TRHDE: variants seen among roughly 807,000 people sequenced by gnomAD.
The protein encoded by TRHDE is thyrotropin-releasing hormone-degrading ectoenzyme.
Under a neutral mutation model 125.7 loss-of-function variants are expected in TRHDE, and 72 were observed. The ratio of observed to expected loss-of-function variants is 0.57; its 90% confidence interval spans 0.47 to 0.70. The LOEUF (loss-of-function observed/expected upper bound fraction) is 0.70, where lower values mean the gene tolerates loss of function less well. Among genes scored for constraint, TRHDE ranks in the 30% least tolerant of loss-of-function variants. The probability of loss-of-function intolerance (pLI) is 0.00; values close to 1 mark genes in which losing one functional copy is unlikely to be tolerated. For missense variants in TRHDE, 1,110 were observed against 1,327.1 expected (o/e 0.84, Z 2.54); for synonymous variants, 509 against 509.1 (o/e 1.00, Z 0.00).
chr12:72,295,259 C>T (rs912931254), intron 2 of TRHDE, among the ~76,000 whole-genome samples: 1 of 152,004 alleles, frequency 6.6e-6, no homozygotes, highest in African/African-American at 2.4e-5. Context: ...GGAGCCCCAC[C>T]CCAGCTCAGA....
chr12:72,237,272 G>T (rs1878353989), intron 2 of TRHDE, among the ~76,000 whole-genome samples: 1 of 152,114 alleles, frequency 6.6e-6, no homozygotes, highest in African/African-American at 2.4e-5. Context: ...AAAAGAGAGA[G>T]TTTCTATGAC....
chr12:72,099,015 A>C (rs1875004122), intron 1 of TRHDE, among the ~76,000 whole-genome samples: 1 of 151,942 alleles, frequency 6.6e-6, no homozygotes, highest in Admixed American at 6.6e-5. Context: ...AACTACAAAA[A>C]TTTGCCGGGC....
chr12:72,467,045 G>T (rs1876410800), intron 3 of TRHDE, among the ~76,000 whole-genome samples: 1 of 152,154 alleles, frequency 6.6e-6, no homozygotes, highest in Admixed American at 6.5e-5. Flanking sequence ...ATATATGAAT[G>T]CATAGATTAC....
chr12:72,476,991 T>C (rs954996014), intron 5 of TRHDE, among the ~76,000 whole-genome samples: 9 of 152,014 alleles, frequency 5.9e-5, no homozygotes, highest in African/African-American at 2.2e-4. Context: ...AGATATGGGG[T>C]TTTACAGGAA....
intron 3 of TRHDE, among the ~76,000 whole-genome samples, chr12:72,459,900 G>A (rs1876044617): frequency 6.6e-6 from 1 of 152,170 alleles, no homozygotes; most frequent in Non-Finnish European, 1.5e-5. Context: ...TTACAGGTAT[G>A]AGCCACTGTG....
At chr12:72,349,784 T>G (rs573866015) in intron 2 of TRHDE, among the ~76,000 whole-genome samples, 1 of 152,064 alleles carries the variant, frequency 6.6e-6, no homozygotes, top group Admixed American at 6.6e-5. Context: ...TGAGAAAATC[T>G]GATTAGGTCT....
At chr12:72,301,063 A>T (rs2135686676) in intron 2 of TRHDE, among the ~76,000 whole-genome samples, 1 of 152,316 alleles carries the variant, frequency 6.6e-6, no homozygotes, top group East Asian at 1.9e-4. Context: ...TCTTCCCCTG[A>T]AACTTAGTAC....
At chr12:72,618,605 T>C (rs1017934776) in intron 12 of TRHDE, among the ~76,000 whole-genome samples, 10 of 152,152 alleles carry the variant, frequency 6.6e-5, no homozygotes, top group African/African-American at 2.2e-4. Flanking sequence ...TGAAGGAACA[T>C]ACCTAGGCTC....
intron 9 of TRHDE, 119 bp from the exon 10 acceptor site, chr12:72,568,449 T>A (rs565049748): frequency 2.0e-5 from 11 of 551,288 alleles, no homozygotes; most frequent in East Asian, 6.0e-5. Context: ...CGGAATTATT[T>A]TTTTTTAGTT....
intron 2 of TRHDE, among the ~76,000 whole-genome samples, chr12:72,344,048 A>G (rs11179162): frequency 0.12 from 18,767 of 151,948 alleles, 1,740 homozygotes; most frequent in East Asian, 0.47. Context: ...GATTTCATGA[A>G]CATACAGCCA....
rs555626395 is a variant in TRHDE at position 72,466,755 on chromosome 12, A to G, written c.1316-3003A>G. ...GATTTCAAACAAGCTAGCCTCTACC[A>G]TTATTCACATCTCAGATGAAATGTG... On this transcript the variant is annotated intron_variant, in intron 3 of 18. Coordinates refer to ENST00000261180, the MANE Select transcript of TRHDE (RefSeq NM_013381.3). Among the ~76,000 whole-genome samples the G allele has an allele frequency of 7.9e-5, 12 of 152,228 alleles. No individual in the cohort carries two copies. In the South Asian group the frequency reaches 2.5e-3, roughly 32 times the overall value.
chr12:72,222,931 C>T (rs1039340157), intron 2 of TRHDE, among the ~76,000 whole-genome samples: 1 of 152,028 alleles, frequency 6.6e-6, no homozygotes, highest in African/African-American at 2.4e-5. Flanking sequence ...AAACTTTTGC[C>T]TCAGGTGCCA....
chr12:72,522,122 G>C (rs1439745190), intron 6 of TRHDE, among the ~76,000 whole-genome samples: 1 of 152,130 alleles, frequency 6.6e-6, no homozygotes, highest in Admixed American at 6.5e-5. Flanking sequence ...AGGACACTGA[G>C]GCAGTAACTT....
intron 2 of TRHDE, among the ~76,000 whole-genome samples, chr12:72,366,532 A>G (rs1871345914): frequency 6.6e-6 from 1 of 152,052 alleles, no homozygotes; most frequent in Non-Finnish European, 1.5e-5. Flanking sequence ...TCAGAAACAT[A>G]TTGTCAGTCC....
At chr12:72,225,065 G>A (rs1268394565) in intron 2 of TRHDE, among the ~76,000 whole-genome samples, 1 of 152,134 alleles carries the variant, frequency 6.6e-6, no homozygotes, top group Non-Finnish European at 1.5e-5. Context: ...TGAAGCATTG[G>A]AGTTCTGCAG....
intron 2 of TRHDE, among the ~76,000 whole-genome samples, chr12:72,192,478 T>C (rs1337427695): frequency 6.6e-6 from 1 of 152,038 alleles, no homozygotes; most frequent in Non-Finnish European, 1.5e-5. Context: ...AGGATAAGTA[T>C]TTACAAAAGT....
At chr12:72,146,111 G>A (rs1876220945) in intron 2 of TRHDE, among the ~76,000 whole-genome samples, 1 of 152,168 alleles carries the variant, frequency 6.6e-6, no homozygotes, top group Non-Finnish European at 1.5e-5. Context: ...GCTATTAAAG[G>A]TATTTAGGAG....
intron 5 of TRHDE, among the ~76,000 whole-genome samples, chr12:72,478,502 A>T (rs901112763): frequency 1.5e-5 from 2 of 134,022 alleles, no homozygotes; most frequent in South Asian, 4.4e-4. Context: ...CCTTACTGAA[A>T]ATATAAACGT....
intron 15 of TRHDE, among the ~76,000 whole-genome samples, chr12:72,648,629 A>G (rs1874378230): frequency 6.6e-6 from 1 of 151,992 alleles, no homozygotes; most frequent in Non-Finnish European, 1.5e-5. Flanking sequence ...TAACTCAGGA[A>G]AGCAATCTCA....
Sources: allele counts gnomAD v4.1 joint callset (sites outside exome capture counted in the v4.1 genomes callset), GRCh38; gene constraint gnomAD v4.1.1; transcripts MANE v1.5; gene names NCBI Gene and HGNC (gene_info 2026-07-23, HGNC 2026-07-21).